The following RFX3 variants were observed in gnomAD, a reference collection of about 807,000 sequenced individuals.
RFX3 encodes transcription factor RFX3.
RFX3 carries 14 observed loss-of-function variants against 98.6 expected under a neutral mutation model. That is an observed-to-expected ratio of 0.14 (90% CI 0.09 to 0.22). The LOEUF is 0.22. Ranked by LOEUF, RFX3 falls within the 10% of genes least tolerant of loss-of-function variation. The pLI is 1.00. For synonymous variants in RFX3, 383 were observed against 328.4 expected (o/e 1.17, Z -1.80); for missense variants, 639 against 926.9 (o/e 0.69, Z 4.03).
chr9:3,459,671 T>C (rs1026032067), intron 1 of RFX3, among the ~76,000 whole-genome samples: 1 of 152,152 alleles, frequency 6.6e-6, no homozygotes, highest in Admixed American at 6.6e-5. Flanking sequence ...TTTGTTTTGC[T>C]CTTCCCTTTT....
At chr9:3,335,280 C>G (rs1269771486) in intron 3 of RFX3, among the ~76,000 whole-genome samples, 1 of 152,068 alleles carries the variant, frequency 6.6e-6, no homozygotes, top group Non-Finnish European at 1.5e-5. Context: ...TGTCTAAATA[C>G]TTTAAGCTCC....
Position 3,358,407 on chromosome 9 carries a change from T to C in RFX3, c.118-11643A>G, listed in dbSNP as rs544605095. The stretch of plus-strand genomic sequence containing the variant: ...CCCTTAAAATCATGAGATTCTATAA[T>C]TAAAGTAGAAATGAAACTGGGAAAA... On this transcript the variant is annotated intron_variant, in intron 2 of 16. Transcript: ENST00000617270. Among the ~76,000 whole-genome samples the C allele has an allele frequency of 8.5e-5, 13 of 152,180 alleles. No individual in the cohort carries two copies. The South Asian group carries it at 2.5e-3, about 29-fold the overall frequency.
intron 2 of RFX3, among the ~76,000 whole-genome samples, chr9:3,380,168 C>G (rs1422353246): frequency 6.6e-6 from 1 of 152,066 alleles, no homozygotes; most frequent in Non-Finnish European, 1.5e-5. Context: ...CTCAGGTGAT[C>G]CACCAGCCTC....
At chr9:3,243,867 T>C (rs1418961529) in intron 15 of RFX3, among the ~76,000 whole-genome samples, 1 of 152,364 alleles carries the variant, frequency 6.6e-6, no homozygotes, top group African/African-American at 2.4e-5. Context: ...GTCATAAGCA[T>C]GGCAGATTAA....
At position 3,261,303 on chromosome 9, in the gene RFX3, T is replaced by G. The variant is rs568090938; in HGVS notation, c.1605+1632A>C. ...GACTCTTATTTGTTACCTCCCAGTC[T>G]TCTCAATCCCCCAGGCCTAGGTAAC... is the stretch of plus-strand genomic sequence containing the variant. On this transcript the variant is annotated intron_variant, in intron 13 of 16. Coordinates refer to ENST00000617270, the MANE Select transcript of RFX3 (RefSeq NM_001282116.2). 6.6e-5 allele frequency among the ~76,000 whole-genome samples: 10 copies of G among 152,232 alleles called. No individual in the cohort carries two copies. The South Asian group carries it at 2.1e-3, about 32-fold the overall frequency.
intron 1 of RFX3, among the ~76,000 whole-genome samples, chr9:3,450,989 T>C (rs1001323046): frequency 3.3e-5 from 5 of 152,114 alleles, no homozygotes; most frequent in African/African-American, 1.2e-4. Context: ...ATAAAAAGAA[T>C]CGGACTTCCA....
At chr9:3,278,436 C>T (rs907523212) in intron 7 of RFX3, among the ~76,000 whole-genome samples, 2 of 151,744 alleles carry the variant, frequency 1.3e-5, no homozygotes, top group Admixed American at 6.6e-5. Flanking sequence ...GTCTGGCCTC[C>T]CATTCTTTTT....
chr9:3,245,794 G>A (rs957916078), intron 15 of RFX3, among the ~76,000 whole-genome samples: 10 of 152,082 alleles, frequency 6.6e-5, no homozygotes, highest in Admixed American at 1.3e-4. Flanking sequence ...CTGTGACTGG[G>A]AGTTATGGTG....
At chr9:3,488,170 T>C (rs922072856) in intron 1 of RFX3, among the ~76,000 whole-genome samples, 3 of 152,178 alleles carry the variant, frequency 2.0e-5, no homozygotes, top group Admixed American at 6.5e-5. Context: ...AAAAATCAAA[T>C]TGAAAGAGAA....
chr9:3,502,956 T>C lies in RFX3; in HGVS notation c.-9+22791A>G, dbSNP rs150824143. On this transcript the variant is annotated intron_variant, in intron 1 of 16. Transcript: ENST00000617270. ...TTCATCATTTCATCAAACTGCTCTATGCTGTAATATGCTTAGATGTTTCCT... is the reference window on the plus strand; with the variant it reads ...TTCATCATTTCATCAAACTGCTCTACGCTGTAATATGCTTAGATGTTTCCT... Among the ~76,000 whole-genome samples, 240 of 152,336 alleles carry C rather than the reference T, an allele frequency of 1.6e-3. 1 individual carries two copies. The highest frequency in any genetic ancestry group is 0.011 in the South Asian group (53 of 4,834).
intron 1 of RFX3, among the ~76,000 whole-genome samples, chr9:3,408,420 T>C (rs1267765914): frequency 1.3e-5 from 2 of 152,140 alleles, no homozygotes; most frequent in African/African-American, 2.4e-5. Flanking sequence ...GCATATACCT[T>C]GATCTTTTCA....
At chr9:3,242,935 A>C (rs1820153678) in intron 15 of RFX3, among the ~76,000 whole-genome samples, 1 of 151,986 alleles carries the variant, frequency 6.6e-6, no homozygotes, top group Non-Finnish European at 1.5e-5. Context: ...TATGATTAAA[A>C]GAATTGATAT....
At chr9:3,236,794 G>A (rs757824555) in intron 15 of RFX3, among the ~76,000 whole-genome samples, 1 of 152,118 alleles carries the variant, frequency 6.6e-6, no homozygotes, top group Non-Finnish European at 1.5e-5. Context: ...CTCACTTGAG[G>A]GTCATCAGGT....
intron 1 of RFX3, among the ~76,000 whole-genome samples, chr9:3,426,591 C>T (rs919143757): frequency 6.6e-6 from 1 of 152,108 alleles, no homozygotes; most frequent in Non-Finnish European, 1.5e-5. Flanking sequence ...CCCCATTGCC[C>T]ACATTACTGC....
chr9:3,293,309 A>T (rs746175608), intron 5 of RFX3, 51 bp from the exon 6 acceptor site: 3 of 1,427,792 alleles, frequency 2.1e-6, no homozygotes, highest in Non-Finnish European at 1.9e-6. Context: ...ATTTGCCAAA[A>T]TTTCTACAAG....
At chr9:3,369,346 G>A (rs10971599) in intron 2 of RFX3, among the ~76,000 whole-genome samples, 17,871 of 152,092 alleles carry the variant, frequency 0.12, 1,742 homozygotes, top group African/African-American at 0.26. Context: ...GTTGTCTTTT[G>A]TAAGTACACT....
intron 2 of RFX3, among the ~76,000 whole-genome samples, chr9:3,367,176 G>A (rs1341044216): frequency 6.6e-6 from 1 of 152,100 alleles, no homozygotes; most frequent in Admixed American, 6.5e-5. Flanking sequence ...GCCTGCTCTA[G>A]CCCATGAGTC....
Position 3,491,003 on chromosome 9 carries a change from G to A in RFX3, c.-9+34744C>T, listed in dbSNP as rs140392918. On this transcript the variant is annotated intron_variant, in intron 1 of 16. Coordinates refer to ENST00000617270, the MANE Select transcript of RFX3 (RefSeq NM_001282116.2). ...ATATCAGAGATCAACTTATTACAAC[G>A]TATATCTGATAATTTAGTTAACTAT... 3.3e-5 allele frequency among the ~76,000 whole-genome samples: 5 copies of A among 152,074 alleles called. No homozygotes were observed. In the East Asian group the frequency reaches 5.8e-4, roughly 18 times the overall value.
chr9:3,413,840 T>C (rs1258971825), intron 1 of RFX3, among the ~76,000 whole-genome samples: 1 of 152,078 alleles, frequency 6.6e-6, no homozygotes, highest in African/African-American at 2.4e-5. Context: ...GGAGGATGAA[T>C]ACTAAGTAAT....
Sources: allele counts gnomAD v4.1 joint callset (sites outside exome capture counted in the v4.1 genomes callset), GRCh38; gene constraint gnomAD v4.1.1; transcripts MANE v1.5; gene names NCBI Gene and HGNC (gene_info 2026-07-23, HGNC 2026-07-21).